Variants in OSBPL3 observed in about 807,000 individuals in gnomAD.
The protein encoded by OSBPL3 is oxysterol binding protein like 3, also known as oxysterol-binding protein-related protein 3.
A neutral mutation model predicts 120.1 loss-of-function variants in OSBPL3; 65 were observed. That is an observed-to-expected ratio of 0.54 (90% CI 0.44 to 0.67). The LOEUF (loss-of-function observed/expected upper bound fraction) is 0.67, where lower values mean the gene tolerates loss of function less well. Among genes scored for constraint, OSBPL3 ranks in the 30% least tolerant of loss-of-function variants. The probability of loss-of-function intolerance (pLI) is 0.00; values close to 1 mark genes in which losing one functional copy is unlikely to be tolerated. For synonymous variants in OSBPL3, 416 were observed against 402.6 expected (o/e 1.03, Z -0.40); for missense variants, 1,004 against 1,082.1 (o/e 0.93, Z 1.01).
Position 24,879,433 on chromosome 7 carries a change from TGTAG to T in OSBPL3, c.97-7368_97-7365del, listed in dbSNP as rs1803330772. 1.3e-5 allele frequency among the ~76,000 whole-genome samples: 2 copies of T among 152,192 alleles called. No individual in the cohort carries two copies. Among genetic ancestry groups the T allele is most frequent in the Admixed American group, 1.3e-4 (2 of 15,280 alleles). Reference sequence around the variant, plus strand: ...TCCCTTCTTTCCCTTCACACACAGATGTAGCTCTCCAACCTCAGGCCAGAGCTAG... The same window carrying T: ...TCCCTTCTTTCCCTTCACACACAGATCTCTCCAACCTCAGGCCAGAGCTAG... On this transcript the variant is annotated intron_variant, in intron 2 of 22. Coordinates refer to ENST00000313367, the MANE Select transcript of OSBPL3 (RefSeq NM_015550.4). The surrounding 1 kb of genome is among the most constrained non-coding windows in gnomAD (Gnocchi z 5.6).
intron 6 of OSBPL3, 39 bp downstream of exon 6, chr7:24,866,031 C>T: frequency 6.4e-7 from 1 of 1,563,064 alleles, no homozygotes; most frequent in Non-Finnish European, 8.8e-7. Flanking sequence ...AACAAAGCCA[C>T]CCCGTTCTCA....
At chr7:24,943,850 T>C (rs1170118090) in intron 1 of OSBPL3, among the ~76,000 whole-genome samples, 1 of 152,174 alleles carries the variant, frequency 6.6e-6, no homozygotes, top group Non-Finnish European at 1.5e-5. Context: ...GGTTGGTCCA[T>C]TTTGAATCTT....
intron 13 of OSBPL3, among the ~76,000 whole-genome samples, chr7:24,841,035 TAA>T (rs1263175394): frequency 6.6e-6 from 1 of 152,232 alleles, no homozygotes; most frequent in Non-Finnish European, 1.5e-5. Context: ...ACTGTTATTA[TAA>T]AGATTCTTAT....
At chr7:24,832,519 AAAAAAAAAAAAAG>A in intron 15 of OSBPL3, among the ~76,000 whole-genome samples, 1 of 150,908 alleles carries the variant, frequency 6.6e-6, no homozygotes, top group Non-Finnish European at 1.5e-5. Context: ...CAAAGAAAAA[AAAAAAAAAAAAAG>A]AAGAAGAAAA....
chr7:24,970,496 T>C (rs1028020484), intron 1 of OSBPL3, among the ~76,000 whole-genome samples: 8 of 152,136 alleles, frequency 5.3e-5, no homozygotes, highest in African/African-American at 1.9e-4. Flanking sequence ...CCCTCACTCC[T>C]CCTGAGCTCC....
At position 24,822,086 on chromosome 7, in the gene OSBPL3, C is replaced by T. The variant is rs567124121; in HGVS notation, c.1885-1848G>A. ...ATGGGGTCATGCTATGTTGCCCAGA[C>T]TGGTCCGGAACTCCTGGCCTCAAGT... On this transcript the variant is annotated intron_variant, in intron 16 of 22. Coordinates refer to ENST00000313367, the MANE Select transcript of OSBPL3 (RefSeq NM_015550.4). This position sits in a 1 kb window ranked among gnomAD's most constrained non-coding sequence, Gnocchi z 5.8. Among the ~76,000 whole-genome samples, 1 of 152,130 alleles carries T rather than the reference C, an allele frequency of 6.6e-6. No individual in the cohort carries two copies. Among genetic ancestry groups the T allele is most frequent in the Admixed American group, 6.6e-5 (1 of 15,266 alleles).
At chr7:24,809,762 C>T in intron 20 of OSBPL3, 45 bp downstream of exon 20, 1 of 1,600,222 alleles carries the variant, frequency 6.2e-7, no homozygotes, top group Non-Finnish European at 8.6e-7. Context: ...CATGCCCACC[C>T]ATCCACCCAC....
chr7:24,908,675 C>T (rs78473108), intron 1 of OSBPL3, among the ~76,000 whole-genome samples: 1,785 of 152,310 alleles, frequency 0.012, 35 homozygotes, highest in African/African-American at 0.041. Flanking sequence ...GCTTCATTCT[C>T]ATAAGCTGCA....
At position 24,873,921 on chromosome 7, in the gene OSBPL3, C is replaced by T. The variant is rs1318368411; in HGVS notation, c.97-1852G>A. On this transcript the variant is annotated intron_variant, in intron 2 of 22. Coordinates refer to ENST00000313367, the MANE Select transcript of OSBPL3 (RefSeq NM_015550.4). The surrounding 1 kb of genome is among the most constrained non-coding windows in gnomAD (Gnocchi z 4.1). ...ATCCTTAGAGACTCCATAGGTACTC[C>T]ATCTTACTTTTCTGGAGGTTCACCA... Among the ~76,000 whole-genome samples, 1 of 152,144 alleles carries T rather than the reference C, an allele frequency of 6.6e-6. No individual in the cohort carries two copies. The highest frequency in any genetic ancestry group is 1.9e-4 in the East Asian group (1 of 5,204).
upstream of OSBPL3, chr7:24,981,551 CTCTT>C (rs1046695148): frequency 3.9e-5 from 6 of 152,620 alleles, no homozygotes; most frequent in Non-Finnish European, 7.3e-5. This position sits in a 1 kb window ranked among gnomAD's most constrained non-coding sequence, Gnocchi z 7.3. Flanking sequence ...GTTTCTGAGA[CTCTT>C]TCCGGAGCTA....
Position 24,938,791 on chromosome 7 carries a change from G to GTGTT in OSBPL3, c.-150+41094_-150+41095insAACA, listed in dbSNP as rs1812730212. Among the ~76,000 whole-genome samples the GTGTT allele has an allele frequency of 7.1e-6, 1 of 140,080 alleles. No homozygotes were observed. The highest frequency in any genetic ancestry group is 1.6e-5 in the Non-Finnish European group (1 of 64,074). 91.9% of individuals were successfully genotyped at this position (140,080 alleles called of 152,430 possible). ...AGGTTTTGTTTTGATGTGTGTGTGTGTGTGTGTGTGTGTGTGTGTGTGTGT... is the reference window on the plus strand; with the variant it reads ...AGGTTTTGTTTTGATGTGTGTGTGTGTGTTTGTGTGTGTGTGTGTGTGTGTGTGT... On this transcript the variant is annotated intron_variant, in intron 1 of 22. Coordinates refer to ENST00000313367, the MANE Select transcript of OSBPL3 (RefSeq NM_015550.4). The surrounding 1 kb of genome is among the most constrained non-coding windows in gnomAD (Gnocchi z 5.8).
Position 24,979,869 on chromosome 7 carries a change from G to A in OSBPL3, c.-150+17C>T, listed in dbSNP as rs372888358. 1.1e-5 allele frequency: 10 copies of A among 943,468 alleles called. No homozygotes were observed. In the South Asian group the frequency reaches 3.0e-4, roughly 28 times the overall value. The allele number at this position is 943,468 out of a possible 1,614,324, so 58.4% of individuals were successfully genotyped here. On this transcript the variant is annotated intron_variant, in intron 1 of 22. Coordinates refer to ENST00000313367, the MANE Select transcript of OSBPL3 (RefSeq NM_015550.4). ...CCGACACCCAGGCCCCATTTAGGCG[G>A]GCGCCCCGCCACTCACCTGAGCGCT... is the stretch of plus-strand genomic sequence containing the variant.
At position 24,855,776 on chromosome 7, in the gene OSBPL3, A is replaced by C. The variant is rs145208298; in HGVS notation, c.1028-3142T>G. Among the ~76,000 whole-genome samples, 94 of 152,332 alleles carry C rather than the reference A, an allele frequency of 6.2e-4. 1 individual carries two copies. The highest frequency in any genetic ancestry group is 2.1e-3 in the African/African-American group (89 of 41,576). The stretch of plus-strand genomic sequence containing the variant: ...TTATTTCTAACATGAATCTAAGCTT[A>C]CTAGAGACAAATAAACAGCTTTAAA... On this transcript the variant is annotated intron_variant, in intron 10 of 22. Transcript: ENST00000313367. This position sits in a 1 kb window ranked among gnomAD's most constrained non-coding sequence, Gnocchi z 4.3.
Position 24,918,100 on chromosome 7 carries a change from T to C in OSBPL3, c.-149-25479A>G, listed in dbSNP as rs1184374667. On this transcript the variant is annotated intron_variant, in intron 1 of 22. Transcript: ENST00000313367. This position sits in a 1 kb window ranked among gnomAD's most constrained non-coding sequence, Gnocchi z 4.3. ...CATAATGACAAGCACAGGTGCTGTTTCTCAGTGTGTATCAGGCTCACAGCA... is the reference window on the plus strand; with the variant it reads ...CATAATGACAAGCACAGGTGCTGTTCCTCAGTGTGTATCAGGCTCACAGCA... 1 of 984,372 alleles carries C rather than the reference T, an allele frequency of 1.0e-6. No individual in the cohort carries two copies. Among genetic ancestry groups the C allele is most frequent in the African/African-American group, 1.7e-5 (1 of 57,212 alleles). The allele number at this position is 984,372 out of a possible 1,614,324, so 61.0% of individuals were successfully genotyped here.
rs1002552211 is a variant in OSBPL3, at chr7:24,814,922, G to C, written c.2172+137C>G. ...GGTCTAGGTGACAGAGGTGCAGCTG[G>C]GACCAAGGAGCTCAGGCATTGCTTG... On this transcript the variant is annotated intron_variant, in intron 19 of 22. Coordinates refer to ENST00000313367, the MANE Select transcript of OSBPL3 (RefSeq NM_015550.4). 1.3e-5 allele frequency: 10 copies of C among 776,554 alleles called. No homozygotes were observed. In the East Asian group the frequency reaches 2.2e-4, roughly 17 times the overall value. 48.1% of individuals were successfully genotyped at this position (776,554 alleles called of 1,614,324 possible). A position where few individuals can be genotyped will look rare whatever the true frequency, so the allele number is the denominator to read the frequency against.
At chr7:24,832,526 AAAAAAG>A in intron 15 of OSBPL3, among the ~76,000 whole-genome samples, 2 of 151,282 alleles carry the variant, frequency 1.3e-5, no homozygotes, top group African/African-American at 2.4e-5. Context: ...AAAAAAAAAA[AAAAAAG>A]AAGAAGAAAA....
chr7:24,866,345 G>T, intron 5 of OSBPL3, 108 bp from the exon 6 acceptor site: 1 of 862,484 alleles, frequency 1.2e-6, no homozygotes, highest in Admixed American at 2.1e-5. Flanking sequence ...CAGTTGGCAC[G>T]TAATTTCAAC....
At chr7:24,931,645 T>C (rs34980993) in intron 1 of OSBPL3, among the ~76,000 whole-genome samples, 23,400 of 151,472 alleles carry the variant, frequency 0.15, 2,124 homozygotes, top group East Asian at 0.46. Context: ...CCTCCAGAAC[T>C]GAAAGAAAAT....
In OSBPL3 at chr7:24,894,690, G is replaced by T. The variant is rs1422189913; in HGVS notation, c.-149-2069C>A. On this transcript the variant is annotated intron_variant, in intron 1 of 22. Transcript: ENST00000313367. The surrounding 1 kb of genome is among the most constrained non-coding windows in gnomAD (Gnocchi z 4.1). ...GTTTTTTCTTTAAGGCTGAGGTTCT[G>T]TTAAACGAGAGTCTACAAGAGTCTG... is the stretch of plus-strand genomic sequence containing the variant. Among the ~76,000 whole-genome samples the T allele has an allele frequency of 6.6e-6, 1 of 152,132 alleles. No individual in the cohort carries two copies. The highest frequency in any genetic ancestry group is 1.5e-5 in the Non-Finnish European group (1 of 68,020).
Sources: allele counts gnomAD v4.1 joint callset (sites outside exome capture counted in the v4.1 genomes callset), GRCh38; gene constraint gnomAD v4.1.1; non-coding constraint Gnocchi (gnomAD v3.1); transcripts MANE v1.5; gene names NCBI Gene and HGNC (gene_info 2026-07-23, HGNC 2026-07-21).